ALPL: variants seen among roughly 807,000 people sequenced by gnomAD.
The protein encoded by ALPL is alkaline phosphatase, tissue-nonspecific isozyme.
ALPL carries 42 observed loss-of-function variants against 51.3 expected under a neutral mutation model. The ratio of observed to expected loss-of-function variants is 0.82; its 90% CI spans 0.64 to 1.06. The LOEUF (loss-of-function observed/expected upper bound fraction) is 1.06, where lower values mean the gene tolerates loss of function less well. ALPL is among the 50% of genes least tolerant of loss of function. The pLI, the probability that ALPL is intolerant of heterozygous loss-of-function variation, is 0.00. For synonymous variants in ALPL, 279 were observed against 296.4 expected (o/e 0.94, Z 0.60); for missense variants, 589 against 709.4 (o/e 0.83, Z 1.93).
chr1:21,512,750 G>A (rs980666260), intron 1 of ALPL, among the ~76,000 whole-genome samples: 4 of 152,058 alleles, frequency 2.6e-5, no homozygotes, highest in African/African-American at 4.8e-5. Context: ...CCAACACTTC[G>A]TTAATTGCTC....
chr1:21,554,908 TCTTTTC>T lies in ALPL; in HGVS notation c.61+767_61+772del, dbSNP rs752525401. On this transcript the variant is annotated intron_variant, in intron 2 of 11. Transcript: ENST00000374840. The stretch of plus-strand genomic sequence containing the variant: ...TTCTTTTTCTTTCTTTCTTTCTTTC[TCTTTTC>T]TTTCTTTCTTTCTTTCTTTTCTTTT... 1.4e-3 allele frequency among the ~76,000 whole-genome samples: 128 copies of T among 93,998 alleles called. 2 individuals are homozygous for T. The highest frequency in any genetic ancestry group is 4.5e-3 in the African/African-American group (100 of 22,394). The allele number at this position is 93,998 out of a possible 152,430, so 61.7% of individuals were successfully genotyped here. A position where few individuals can be genotyped will look rare whatever the true frequency, so the allele number is the denominator to read the frequency against.
At chr1:21,555,264 ACTT>A (rs1288552925) in intron 2 of ALPL, among the ~76,000 whole-genome samples, 4 of 152,064 alleles carry the variant, frequency 2.6e-5, no homozygotes, top group Non-Finnish European at 5.9e-5. Flanking sequence ...GGCCATTTTC[ACTT>A]CTTTTGTGGT....
Position 21,512,738 on chromosome 1 carries a change from C to T in ALPL, c.-105+3221C>T, listed in dbSNP as rs559129983. On this transcript the variant is annotated intron_variant, in intron 1 of 11. Transcript: ENST00000374840. ...TCCTTGTACCAGCTCCCAACCCCCCCGCCAACACTTCGTTAATTGCTCCCA... is the reference window on the plus strand; with the variant it reads ...TCCTTGTACCAGCTCCCAACCCCCCTGCCAACACTTCGTTAATTGCTCCCA... 4.1e-3 allele frequency among the ~76,000 whole-genome samples: 625 copies of T among 152,224 alleles called. 1 individual carries two copies. The highest frequency in any genetic ancestry group is 0.02 in the Middle Eastern group (6 of 294).
intron 9 of ALPL, among the ~76,000 whole-genome samples, chr1:21,574,961 G>C (rs1644706485): frequency 6.6e-6 from 1 of 152,270 alleles, no homozygotes; most frequent in Non-Finnish European, 1.5e-5. Context: ...TGTTAGCAAG[G>C]GAAGTGTTCC....
At chr1:21,566,424 T>C (rs1363708936) in intron 6 of ALPL, among the ~76,000 whole-genome samples, 2 of 151,994 alleles carry the variant, frequency 1.3e-5, no homozygotes, top group South Asian at 4.2e-4. Flanking sequence ...GCTGGGATTA[T>C]AGGCGCACAT....
At chr1:21,549,351 A>C (rs1250987914) in intron 1 of ALPL, among the ~76,000 whole-genome samples, 1 of 152,146 alleles carries the variant, frequency 6.6e-6, no homozygotes, top group South Asian at 2.1e-4. Flanking sequence ...CTGCCTCCTT[A>C]GTGTCTCCAC....
intron 1 of ALPL, among the ~76,000 whole-genome samples, chr1:21,533,681 G>A (rs1272309451): frequency 6.6e-6 from 1 of 152,090 alleles, no homozygotes; most frequent in Non-Finnish European, 1.5e-5. Context: ...AGCACTTTGG[G>A]AGGCTGAGGT....
At chr1:21,562,630 G>A (rs1306652927) in intron 4 of ALPL, among the ~76,000 whole-genome samples, 1 of 152,106 alleles carries the variant, frequency 6.6e-6, no homozygotes, top group African/African-American at 2.4e-5. Flanking sequence ...GGTGGCCGCA[G>A]GGCAGGTGGC....
At chr1:21,527,999 G>A (rs974974672) in intron 1 of ALPL, among the ~76,000 whole-genome samples, 4 of 110,774 alleles carry the variant, frequency 3.6e-5, no homozygotes, top group Non-Finnish European at 5.8e-5. Flanking sequence ...TTGTGTGTAC[G>A]TGTTTTTTTT....
intron 1 of ALPL, among the ~76,000 whole-genome samples, chr1:21,552,114 T>TCCCCC (rs1244827813): frequency 1.9e-5 from 1 of 51,434 alleles, no homozygotes; most frequent in Non-Finnish European, 3.6e-5. Context: ...TTTCCTCCCC[T>TCCCCC]TCCCTTTCCT....
At position 21,561,221 on chromosome 1, in the gene ALPL, C is replaced by T. The variant is rs773328385; in HGVS notation, c.297+9C>T. The T allele has an allele frequency of 6.3e-7, 1 of 1,595,304 alleles. No homozygotes were observed. Among genetic ancestry groups the T allele is most frequent in the South Asian group, 1.1e-5 (1 of 88,344 alleles). ...TCGTGGCCCTCTCCAAGGTGAGCCCCATCCCCAAGCCCAGTTCAGGTCTGT... is the reference window on the plus strand; with the variant it reads ...TCGTGGCCCTCTCCAAGGTGAGCCCTATCCCCAAGCCCAGTTCAGGTCTGT... On this transcript the variant is annotated intron_variant, in intron 4 of 11. Transcript: ENST00000374840.
At chr1:21,568,585 C>T (rs1407086177) in intron 7 of ALPL, among the ~76,000 whole-genome samples, 1 of 152,100 alleles carries the variant, frequency 6.6e-6, no homozygotes, top group Non-Finnish European at 1.5e-5. Context: ...GCCAAGGAAA[C>T]ATGGAATGCT....
rs1296355520 is a variant in ALPL at position 21,575,817 on chromosome 1, A to G, written c.1082A>G (p.Gln361Arg). 3.7e-6 allele frequency: 6 copies of G among 1,614,108 alleles called. No homozygotes were observed. Among genetic ancestry groups the G allele is most frequent in the Non-Finnish European group, 5.1e-6 (6 of 1,180,048 alleles). The change falls in exon 10 of 12, where the codon CAG (glutamine) becomes CGG (arginine). Residue 361 changes from glutamine (Q) to arginine (R), a missense_variant. By Grantham distance (43) the Gln-to-Arg change is conservative (BLOSUM62 1). Transcript: ENST00000374840. Reference protein sequence around the residue: ...EAVEMDRAIGQAGSLTSSEDT... With the variant: ...EAVEMDRAIGRAGSLTSSEDT... ...GTGGAGATGGACCGGGCCATCGGGC[A>G]GGCAGGCAGCTTGACCTCCTCGGAA...
chr1:21,515,903 T>G (rs1386827782), intron 1 of ALPL, among the ~76,000 whole-genome samples: 1 of 152,144 alleles, frequency 6.6e-6, no homozygotes, highest in Admixed American at 6.6e-5. Flanking sequence ...CAGGGTCTAG[T>G]GGCTCTGTTG....
intron 1 of ALPL, among the ~76,000 whole-genome samples, chr1:21,548,610 A>C (rs1310041710): frequency 6.6e-6 from 1 of 152,204 alleles, no homozygotes; most frequent in Non-Finnish European, 1.5e-5. Flanking sequence ...CTCCCGGGTC[A>C]CTACACTTTT....
chr1:21,529,813 C>A (rs921848451), intron 1 of ALPL, among the ~76,000 whole-genome samples: 5 of 152,056 alleles, frequency 3.3e-5, no homozygotes, highest in African/African-American at 1.2e-4. Flanking sequence ...CCACTGTTGC[C>A]CAGGCTGGAG....
chr1:21,547,390 C>T (rs1466051892), intron 1 of ALPL, among the ~76,000 whole-genome samples: 1 of 152,152 alleles, frequency 6.6e-6, no homozygotes, highest in Non-Finnish European at 1.5e-5. Flanking sequence ...CCCAGGGGCC[C>T]TCTTTGCCCC....
rs551424471 is a variant in ALPL, at chr1:21,557,994, T to G, written c.62-2632T>G. Reference sequence around the variant, plus strand: ...CATATAAATGGAATCATATAGTATGTACCGATCAGTGCCCTTTCCCTGGCA... The same window carrying G: ...CATATAAATGGAATCATATAGTATGGACCGATCAGTGCCCTTTCCCTGGCA... On this transcript the variant is annotated intron_variant, in intron 2 of 11. Transcript: ENST00000374840. Among the ~76,000 whole-genome samples the G allele has an allele frequency of 4.6e-5, 7 of 152,342 alleles. No individual in the cohort carries two copies. The South Asian group carries it at 1.4e-3, about 32-fold the overall frequency.
At chr1:21,571,426 A>T (rs1436526732) in intron 8 of ALPL, among the ~76,000 whole-genome samples, 1 of 152,004 alleles carries the variant, frequency 6.6e-6, no homozygotes, top group East Asian at 1.9e-4. Flanking sequence ...TAATCCCAGC[A>T]CTTTGGGAGG....
Sources: allele counts gnomAD v4.1 joint callset (sites outside exome capture counted in the v4.1 genomes callset), GRCh38; gene constraint gnomAD v4.1.1; transcripts MANE v1.5; gene names NCBI Gene and HGNC (gene_info 2026-07-23, HGNC 2026-07-21).